CSNK1G3: variants seen among roughly 807,000 people sequenced by gnomAD.
CSNK1G3 encodes the protein casein kinase I isoform gamma-3.
A neutral mutation model predicts 64.3 loss-of-function variants in CSNK1G3; 23 were observed. The observed-to-expected ratio is 0.36, with a 90% CI of 0.26 to 0.51. The LOEUF (loss-of-function observed/expected upper bound fraction) is 0.51, where lower values mean the gene tolerates loss of function less well. Among genes scored for constraint, CSNK1G3 ranks in the 20% least tolerant of loss-of-function variants. CSNK1G3 has a pLI of 0.96. For missense variants in CSNK1G3, 357 were observed against 510.5 expected (o/e 0.70, Z 2.90); for synonymous variants, 158 against 162.2 (o/e 0.97, Z 0.20).
At chr5:123,544,427 G>T (rs191672707) in intron 1 of CSNK1G3, among the ~76,000 whole-genome samples, 1 of 152,114 alleles carries the variant, frequency 6.6e-6, no homozygotes, top group Non-Finnish European at 1.5e-5. Context: ...AATACTGTCC[G>T]TTTCAACCCT....
At chr5:123,536,780 A>G (rs1488644664) in intron 1 of CSNK1G3, among the ~76,000 whole-genome samples, 1 of 152,194 alleles carries the variant, frequency 6.6e-6, no homozygotes, top group Non-Finnish European at 1.5e-5. Context: ...GGCAAAGGAC[A>G]TGAATAGACA....
exon 13 of CSNK1G3, chr5:123,615,634 G>A (rs937646803): frequency 3.9e-5 from 6 of 152,144 alleles, no homozygotes; most frequent in Non-Finnish European, 8.8e-5. Flanking sequence ...AAAAAAGGAA[G>A]CCCATTCCAC....
chr5:123,605,330 T>C lies in CSNK1G3; in HGVS notation c.1194-9T>C. The C allele has an allele frequency of 6.2e-7, 1 of 1,605,750 alleles. No homozygotes were observed. The highest frequency in any genetic ancestry group is 8.5e-7 in the Non-Finnish European group (1 of 1,176,960). On this transcript the variant is annotated splice_polypyrimidine_tract_variant and intron_variant, in intron 11 of 12. Coordinates refer to ENST00000345990, the Ensembl canonical transcript of CSNK1G3. ...TTCCTTGTATTTTTTTTTTTGTGTGTGCGTATAGCTGCCAGAAAGTGTTGA... is the reference window on the plus strand; with the variant it reads ...TTCCTTGTATTTTTTTTTTTGTGTGCGCGTATAGCTGCCAGAAAGTGTTGA...
At chr5:123,527,953 G>A (rs1288574262) in intron 1 of CSNK1G3, among the ~76,000 whole-genome samples, 1 of 152,092 alleles carries the variant, frequency 6.6e-6, no homozygotes, top group African/African-American at 2.4e-5. Flanking sequence ...CAGCTATAAA[G>A]TGCTGTTATG....
intron 1 of CSNK1G3, among the ~76,000 whole-genome samples, chr5:123,518,145 A>T (rs555953792): frequency 6.6e-6 from 1 of 152,278 alleles, no homozygotes; most frequent in East Asian, 1.9e-4. Context: ...CCAATTAGGA[A>T]TGCTGGGGTA....
chr5:123,557,576 T>C lies in CSNK1G3; in HGVS notation c.289+12T>C, dbSNP rs571743573. On this transcript the variant is annotated intron_variant, in intron 4 of 12. Transcript: ENST00000345990. ...GTTAGGATCTGGAGGTAAAGTCTTA[T>C]ATTAATTTTTAAATTTGAAATAAAG... 3.3e-6 allele frequency: 5 copies of C among 1,511,540 alleles called. No individual in the cohort carries two copies. The highest frequency in any genetic ancestry group is 2.3e-5 in the East Asian group (1 of 43,866). The allele number at this position is 1,511,540 out of a possible 1,614,324, so 93.6% of individuals were successfully genotyped here.
At chr5:123,512,937 G>A (rs1776490402) in intron 1 of CSNK1G3, among the ~76,000 whole-genome samples, 1 of 152,074 alleles carries the variant, frequency 6.6e-6, no homozygotes, top group Non-Finnish European at 1.5e-5. Flanking sequence ...GGAGAGATTG[G>A]GAGGTGGGGA....
intron 4 of CSNK1G3, among the ~76,000 whole-genome samples, chr5:123,560,687 A>G (rs1456222591): frequency 2.0e-5 from 3 of 152,332 alleles, no homozygotes; most frequent in African/African-American, 7.2e-5. Flanking sequence ...TACTAAAAAA[A>G]GGAAAATTCT....
intron 1 of CSNK1G3, among the ~76,000 whole-genome samples, chr5:123,519,079 G>A (rs1218242066): frequency 6.6e-6 from 1 of 151,852 alleles, no homozygotes; most frequent in East Asian, 1.9e-4. Context: ...TTGAGACGGA[G>A]TTTTACTCTT....
At chr5:123,553,113 A>G in exon 3 of CSNK1G3, 1 of 1,396,546 alleles carries the variant, frequency 7.2e-7, no homozygotes. Context: ...CAAGGGAAAA[A>G]TTTATACACA....
chr5:123,605,260 A>C, intron 11 of CSNK1G3, 79 bp from the exon 13 acceptor site: 1 of 1,296,120 alleles, frequency 7.7e-7, no homozygotes, highest in East Asian at 2.3e-5. Context: ...AAACAATGTG[A>C]TAATTTCAAT....
At chr5:123,542,888 T>TG (rs1781906666) in intron 1 of CSNK1G3, among the ~76,000 whole-genome samples, 4 of 92,750 alleles carry the variant, frequency 4.3e-5, no homozygotes, top group African/African-American at 1.1e-4. Flanking sequence ...GTGTGTGTGT[T>TG]TACCAAATTT....
intron 2 of CSNK1G3, among the ~76,000 whole-genome samples, chr5:123,552,803 A>T (rs1448473611): frequency 6.6e-6 from 1 of 152,158 alleles, no homozygotes; most frequent in Non-Finnish European, 1.5e-5. Context: ...CATGCATTTG[A>T]CTATTGATTA....
chr5:123,525,719 C>T (rs1466523583), intron 1 of CSNK1G3, among the ~76,000 whole-genome samples: 2 of 151,910 alleles, frequency 1.3e-5, no homozygotes, highest in African/African-American at 2.4e-5. Flanking sequence ...ACTGGCTGGG[C>T]GCGGTGGCTT....
At chr5:123,612,810 A>T (rs928221853) in intron 12 of CSNK1G3, among the ~76,000 whole-genome samples, 2 of 152,186 alleles carry the variant, frequency 1.3e-5, no homozygotes, top group African/African-American at 4.8e-5. Flanking sequence ...ATTAGTAAGA[A>T]TTATAGAAAC....
At chr5:123,614,585 C>G in exon 13 of CSNK1G3, 1 of 478,386 alleles carries the variant, frequency 2.1e-6, no homozygotes, top group Non-Finnish European at 3.6e-6. Flanking sequence ...TCTAATTTAA[C>G]CTTTATGGAA....
At chr5:123,613,647 C>A (rs1176651476) in intron 12 of CSNK1G3, among the ~76,000 whole-genome samples, 1 of 152,060 alleles carries the variant, frequency 6.6e-6, no homozygotes, top group East Asian at 1.9e-4. Flanking sequence ...GCTGGGATTA[C>A]AGGCATGAGC....
At chr5:123,583,599 G>A (rs1210072080) in intron 6 of CSNK1G3, among the ~76,000 whole-genome samples, 2 of 141,138 alleles carry the variant, frequency 1.4e-5, no homozygotes, top group Admixed American at 7.1e-5. Context: ...CCCAACCTCA[G>A]GTGATCAGCC....
chr5:123,603,336 CAA>C (rs888737766), intron 10 of CSNK1G3, among the ~76,000 whole-genome samples: 7 of 151,660 alleles, frequency 4.6e-5, no homozygotes, highest in Admixed American at 2.0e-4. Context: ...TTTGCAGAAA[CAA>C]GAGAATTTGG....
Sources: gnomAD v4.1 joint callset for allele counts (sites outside exome capture counted in the v4.1 genomes callset) on GRCh38, gnomAD v4.1.1 for gene constraint, MANE v1.5 for transcripts, NCBI Gene and HGNC (gene_info 2026-07-23, HGNC 2026-07-21) for gene names.